The following WWOX variants were observed in gnomAD, a reference collection of about 807,000 sequenced individuals.
The protein encoded by WWOX is WW domain-containing oxidoreductase.
In WWOX, 69 loss-of-function variants were observed where a neutral mutation model predicts 46.2. The ratio of observed to expected loss-of-function variants is 1.49; its 90% CI spans 1.23 to 1.82. WWOX has a LOEUF of 1.82. WWOX is among the 40% of genes most tolerant of loss of function. The pLI is 0.00. For synonymous variants in WWOX, 359 were observed against 202.6 expected (o/e 1.77, Z -6.56); for missense variants, 919 against 542.6 (o/e 1.69, Z -6.89).
chr16:78,958,031 T>C (rs2046203376), intron 8 of WWOX, among the ~76,000 whole-genome samples: 1 of 152,222 alleles, frequency 6.6e-6, no homozygotes, highest in African/African-American at 2.4e-5. Flanking sequence ...TGAGCTGTTT[T>C]CTGGCGCGTG....
intron 8 of WWOX, among the ~76,000 whole-genome samples, chr16:78,761,586 C>G (rs373687904): frequency 6.6e-6 from 1 of 151,958 alleles, no homozygotes; most frequent in South Asian, 2.1e-4. Context: ...TCAGGACTCT[C>G]GCTGGTCTAG....
chr16:78,517,719 C>T (rs571844036), intron 8 of WWOX, among the ~76,000 whole-genome samples: 6 of 151,836 alleles, frequency 4.0e-5, no homozygotes, highest in South Asian at 2.1e-4. Context: ...CATGTTGGGA[C>T]GGGTCTTAAA....
At chr16:78,405,951 A>C (rs1239665168) in intron 6 of WWOX, among the ~76,000 whole-genome samples, 2 of 152,090 alleles carry the variant, frequency 1.3e-5, no homozygotes, top group Non-Finnish European at 2.9e-5. Context: ...AATTGCACTA[A>C]ACAAAAGAAT....
intron 5 of WWOX, among the ~76,000 whole-genome samples, chr16:78,164,973 C>G (rs1440941232): frequency 6.6e-6 from 1 of 152,132 alleles, no homozygotes; most frequent in Non-Finnish European, 1.5e-5. Context: ...AGGGGTAAGC[C>G]ATGCAGATGT....
intron 5 of WWOX, among the ~76,000 whole-genome samples, chr16:78,319,897 A>G (rs2080431306): frequency 6.6e-6 from 1 of 152,092 alleles, no homozygotes; most frequent in Non-Finnish European, 1.5e-5. Context: ...CACTTTTTCC[A>G]GTTTTCCTGG....
chr16:78,651,898 A>T (rs77949939), intron 8 of WWOX, among the ~76,000 whole-genome samples: 2,805 of 152,226 alleles, frequency 0.018, 43 homozygotes, highest in Non-Finnish European at 0.028. Flanking sequence ...AGCTATTCCC[A>T]TAGGGAGTGA....
intron 6 of WWOX, among the ~76,000 whole-genome samples, chr16:78,422,734 C>CACACATATGTAT (rs2082969516): frequency 1.2e-5 from 1 of 86,048 alleles, no homozygotes; most frequent in Admixed American, 1.2e-4. Flanking sequence ...TATATATACA[C>CACACATATGTAT]ACACATATAT....
chr16:78,505,424 C>T (rs972770428), intron 8 of WWOX, among the ~76,000 whole-genome samples: 1 of 152,180 alleles, frequency 6.6e-6, no homozygotes. Flanking sequence ...ATGGAAGAGA[C>T]TGGAGAAAGC....
chr16:78,188,424 A>T (rs956583439), intron 5 of WWOX, among the ~76,000 whole-genome samples: 4 of 149,626 alleles, frequency 2.7e-5, no homozygotes, highest in Admixed American at 2.0e-4. Flanking sequence ...GGAGGCGGAG[A>T]TTGCAGTGAG....
At position 79,066,934 on chromosome 16, in the gene WWOX, G is replaced by T. The variant is rs372342682; in HGVS notation, c.1057-144674G>T. ...TGCAGTCGAAGACACTGGCAGATGG[G>T]ACTGGCTTGTTGGCAGAGATGGCAG... On this transcript the variant is annotated intron_variant, in intron 8 of 8. Coordinates refer to ENST00000566780, the MANE Select transcript of WWOX (RefSeq NM_016373.4). 3.8e-4 allele frequency among the ~76,000 whole-genome samples: 58 copies of T among 151,820 alleles called. 1 individual carries two copies. The South Asian group carries it at 4.2e-3, about 11-fold the overall frequency.
intron 8 of WWOX, among the ~76,000 whole-genome samples, chr16:78,766,164 A>AG (rs2049920765): frequency 6.6e-6 from 1 of 152,224 alleles, no homozygotes; most frequent in African/African-American, 2.4e-5. Context: ...TCCATTTGCC[A>AG]GGGGCAGGAC....
chr16:78,785,640 C>T (rs192348261), intron 8 of WWOX, among the ~76,000 whole-genome samples: 42 of 152,236 alleles, frequency 2.8e-4, no homozygotes, highest in Middle Eastern at 6.8e-3. Flanking sequence ...ATTTTTGCTG[C>T]GCTATTATAT....
chr16:78,667,841 G>T (rs1201936608), intron 8 of WWOX, among the ~76,000 whole-genome samples: 1 of 152,090 alleles, frequency 6.6e-6, no homozygotes, highest in Non-Finnish European at 1.5e-5. Flanking sequence ...AGGCATCAGT[G>T]GTTACCAGGC....
chr16:79,194,917 A>G (rs1001028174), intron 8 of WWOX, among the ~76,000 whole-genome samples: 1 of 152,162 alleles, frequency 6.6e-6, no homozygotes, highest in Non-Finnish European at 1.5e-5. Flanking sequence ...CTAAAGGATG[A>G]GAAAGAACCA....
intron 4 of WWOX, among the ~76,000 whole-genome samples, chr16:78,126,164 C>T (rs143261433): frequency 8.5e-5 from 13 of 152,192 alleles, no homozygotes; most frequent in Middle Eastern, 6.8e-3. Flanking sequence ...GTGGTACATT[C>T]GGGTGGTTTC....
At chr16:79,057,065 G>A (rs941817743) in intron 8 of WWOX, among the ~76,000 whole-genome samples, 68 of 152,164 alleles carry the variant, frequency 4.5e-4, no homozygotes, top group African/African-American at 1.3e-3. Flanking sequence ...TGATTTTGCC[G>A]CCATGGGCCT....
intron 8 of WWOX, among the ~76,000 whole-genome samples, chr16:78,765,770 CAG>C (rs1214620764): frequency 2.0e-5 from 3 of 152,174 alleles, no homozygotes; most frequent in South Asian, 2.1e-4. Context: ...GGAGAGAAAA[CAG>C]AGGCAAAAAT....
chr16:79,018,172 G>A (rs940280333), intron 8 of WWOX, among the ~76,000 whole-genome samples: 5 of 152,108 alleles, frequency 3.3e-5, no homozygotes, highest in African/African-American at 1.2e-4. Context: ...ACTGAAATTT[G>A]ATTTTATTGT....
intron 8 of WWOX, among the ~76,000 whole-genome samples, chr16:78,603,314 A>G (rs912454055): frequency 6.6e-6 from 1 of 152,238 alleles, no homozygotes; most frequent in African/African-American, 2.4e-5. Context: ...TCCTCTCACC[A>G]GCATCAACTG....
Sources: allele counts gnomAD v4.1 joint callset (sites outside exome capture counted in the v4.1 genomes callset), GRCh38; gene constraint gnomAD v4.1.1; transcripts MANE v1.5; gene names NCBI Gene and HGNC (gene_info 2026-07-23, HGNC 2026-07-21).